The following UGT2B11 variants were observed in gnomAD, a reference collection of about 807,000 sequenced individuals.
UGT2B11 encodes the protein UDP glucuronosyltransferase family 2 member B11.
A neutral mutation model predicts 51.7 loss-of-function variants in UGT2B11; 49 were observed. The ratio of observed to expected loss-of-function variants is 0.95; its 90% CI spans 0.75 to 1.20. The LOEUF is 1.20. Among genes scored for constraint, UGT2B11 ranks in the 50% most tolerant of loss-of-function variants. UGT2B11 has a pLI of 0.00. For missense variants in UGT2B11, 810 were observed against 622.1 expected, an observed-to-expected ratio of 1.30 and a Z score of -3.21; for synonymous variants, 273 against 209.0, an observed-to-expected ratio of 1.31 and a Z score of -2.64.
chr4:69,204,788 G>A (rs1217324617), intron 4 of UGT2B11, 139 bp from the exon 5 acceptor site: 81 of 1,351,520 alleles, frequency 6.0e-5, no homozygotes, highest in Non-Finnish European at 7.4e-5. Context: ...AGATGAAAAA[G>A]CACGTACTTG....
In UGT2B11 at chr4:69,205,490, A is replaced by G. The variant is rs1721816501; in HGVS notation, c.1080T>C (p.Asn360=). 1 of 1,610,574 alleles carries G rather than the reference A, an allele frequency of 6.2e-7. No individual in the cohort carries two copies. ...NTRLYKWIPQ[N]DLLGHPKTRA... is the part of the protein sequence containing the mutation. ...TCACCAGAGTGTTACCTAGAAGGTC[A>G]TTCTGGGGTATCCACTTGTACAGCC... The change falls in exon 4 of 6, where the codon AAT becomes AAC. Residue 360 remains asparagine, a synonymous_variant. Coordinates refer to ENST00000446444, the MANE Select transcript of UGT2B11 (RefSeq NM_001073.3).
At chr4:69,213,845 T>G (rs1722162668) in intron 1 of UGT2B11, among the ~76,000 whole-genome samples, 157 bp downstream of exon 1, 2 of 151,886 alleles carry the variant, frequency 1.3e-5, no homozygotes, top group African/African-American at 4.8e-5. Flanking sequence ...TAAGCTTTTC[T>G]ATAATGTTTG....
At chr4:69,205,115 G>C (rs184063856) in intron 4 of UGT2B11, among the ~76,000 whole-genome samples, 132 of 151,726 alleles carry the variant, frequency 8.7e-4, no homozygotes, top group African/African-American at 3.0e-3. Context: ...AGAAAATACA[G>C]AGTTACTGGT....
At chr4:69,207,682 T>C (rs1721911131) in intron 3 of UGT2B11, among the ~76,000 whole-genome samples, 1 of 151,612 alleles carries the variant, frequency 6.6e-6, no homozygotes, top group South Asian at 2.1e-4. Context: ...TCTTCCTGCT[T>C]CAGGCAGTGT....
chr4:69,212,340 T>G (rs1285186597), intron 2 of UGT2B11, among the ~76,000 whole-genome samples: 1 of 151,580 alleles, frequency 6.6e-6, no homozygotes, highest in Admixed American at 6.6e-5. Context: ...TTTACTTTAA[T>G]CAACCCTACA....
At chr4:69,203,017 T>C (rs1172647346) in intron 5 of UGT2B11, among the ~76,000 whole-genome samples, 1 of 151,680 alleles carries the variant, frequency 6.6e-6, no homozygotes, top group East Asian at 1.9e-4. Flanking sequence ...AAATCAATTA[T>C]TAAAAATTTA....
In UGT2B11 at chr4:69,214,282, G is replaced by A. The variant is rs779617982; in HGVS notation, c.441C>T (p.Ile147=). ...AGGGAAAAACAGCATCTGCAAAAACGATGTCAAATCTTGACTCTTGTAGTT... is the reference window on the plus strand; with the variant it reads ...AGGGAAAAACAGCATCTGCAAAAACAATGTCAAATCTTGACTCTTGTAGTT... The part of the protein sequence containing the change: ...MKKLQESRFD[I]VFADAVFPCG... Residue 147 remains isoleucine, a synonymous_variant, in exon 1 of 6, where the codon ATC becomes ATT. Transcript: ENST00000446444. 31 of 1,613,080 alleles carry A rather than the reference G, an allele frequency of 1.9e-5. No individual in the cohort carries two copies. The highest frequency in any genetic ancestry group is 2.0e-5 in the Non-Finnish European group (24 of 1,179,474).
chr4:69,209,327 T>C (rs1577963832), intron 2 of UGT2B11, among the ~76,000 whole-genome samples: 2 of 151,650 alleles, frequency 1.3e-5, no homozygotes. Context: ...CATCACTTTG[T>C]TGTGTCTCAG....
At chr4:69,208,202 C>A in intron 3 of UGT2B11, 149 bp downstream of exon 3, 1 of 1,462,428 alleles carries the variant, frequency 6.8e-7, no homozygotes, top group Non-Finnish European at 9.2e-7. Context: ...ACAACTATTA[C>A]TTGTGTTGGT....
rs748341197 is a variant in UGT2B11 at position 69,208,388 on chromosome 4, T to C, written c.965A>G (p.Asn322Ser). The C allele has an allele frequency of 6.2e-6, 10 of 1,611,136 alleles. No individual in the cohort carries two copies. The Admixed American group carries it at 1.3e-4, about 22-fold the overall frequency. The change falls in exon 3 of 6, where the codon AAT (asparagine) becomes AGT (serine). Residue 322 changes from asparagine to serine, a missense_variant. Physicochemically the swap from Asn to Ser is conservative, Grantham distance 46. Coordinates refer to ENST00000446444, the MANE Select transcript of UGT2B11 (RefSeq NM_001073.3). ...VISNMTAERA[N>S]VIATALAKIP... ...CTTGGCAAGGGCTGTTGCAATTACATTGGCCCTTTCTGCTGTCATGTTACT... is the reference window on the plus strand; with the variant it reads ...CTTGGCAAGGGCTGTTGCAATTACACTGGCCCTTTCTGCTGTCATGTTACT...
chr4:69,202,509 C>T (rs1050434128), intron 5 of UGT2B11, among the ~76,000 whole-genome samples: 9 of 151,574 alleles, frequency 5.9e-5, no homozygotes, highest in African/African-American at 2.2e-4. Flanking sequence ...GCCCACCACA[C>T]ATCACTTCAA....
At position 69,200,737 on chromosome 4, in the gene UGT2B11, G is replaced by A. The variant is rs201856899; in HGVS notation, c.1311-18C>T. ...CTTTATATCTGAAGGATAAAAATAA[G>A]GATACCAACACTGAAAGTAAGTTAA... On this transcript the variant is annotated intron_variant, in intron 5 of 5. Coordinates refer to ENST00000446444, the MANE Select transcript of UGT2B11 (RefSeq NM_001073.3). The A allele has an allele frequency of 1.0e-5, 16 of 1,591,968 alleles. No individual in the cohort carries two copies. Among genetic ancestry groups the A allele is most frequent in the Admixed American group, 1.7e-5 (1 of 57,248 alleles).
At position 69,208,232 on chromosome 4, in the gene UGT2B11, T is replaced by A. The variant is rs1481749262; in HGVS notation, c.1002+119A>T. The A allele has an allele frequency of 3.9e-6, 6 of 1,542,528 alleles. No homozygotes were observed. The African/African-American group carries it at 7.0e-5, about 18-fold the overall frequency. On this transcript the variant is annotated intron_variant, in intron 3 of 5. Coordinates refer to ENST00000446444, the MANE Select transcript of UGT2B11 (RefSeq NM_001073.3). ...GTTGGTGGAAGCAACATAAGCATAT[T>A]TAAGGATGTATTTGGATGTAAAGAG...
intron 2 of UGT2B11, among the ~76,000 whole-genome samples, chr4:69,209,854 C>G (rs761489084): frequency 1.3e-5 from 2 of 151,376 alleles, no homozygotes; most frequent in Non-Finnish European, 3.0e-5. Context: ...CTGATATTGA[C>G]TGGTTGTTTC....
rs140000959 is a variant in UGT2B11, at chr4:69,214,026, C to G, written c.697G>C (p.Asp233His). ...CCTAAAACTTCACTGTAAAACTGATCCCACTTCTTCATATCAGACATTTGG... is the reference window on the plus strand; with the variant it reads ...CCTAAAACTTCACTGTAAAACTGATGCCACTTCTTCATATCAGACATTTGG... ...WFQMSDMKKW[D>H]QFYSEVLGRP... The change falls in exon 1 of 6, where the codon GAT (aspartate) becomes CAT (histidine). Residue 233 changes from aspartate to histidine, a missense_variant. Transcript: ENST00000446444. 5.2e-4 allele frequency: 832 copies of G among 1,591,022 alleles called. 3 individuals are homozygous for G. The African/African-American group carries it at 0.01, about 20-fold the overall frequency.
At chr4:69,207,513 C>G (rs1051683111) in intron 3 of UGT2B11, among the ~76,000 whole-genome samples, 3 of 151,522 alleles carry the variant, frequency 2.0e-5, no homozygotes, top group African/African-American at 4.8e-5. Flanking sequence ...TCCCCTGCCT[C>G]TCTTCCTTCT....
At chr4:69,202,318 G>A (rs1247911562) in intron 5 of UGT2B11, among the ~76,000 whole-genome samples, 1 of 151,670 alleles carries the variant, frequency 6.6e-6, no homozygotes, top group East Asian at 2.0e-4. Context: ...TGAGATAAAA[G>A]TGCATGCAAA....
chr4:69,210,864 T>C (rs1722034647), intron 2 of UGT2B11, among the ~76,000 whole-genome samples: 1 of 151,684 alleles, frequency 6.6e-6, no homozygotes, highest in African/African-American at 2.4e-5. Flanking sequence ...TGAAGAATGC[T>C]TACTTTGTAC....
At chr4:69,215,421 A>G (rs1358186037), upstream of UGT2B11, 4 of 151,974 alleles carry the variant, frequency 2.6e-5, no homozygotes, top group Non-Finnish European at 5.9e-5. Flanking sequence ...ATTTAGTTTA[A>G]TGTTTTTAAA....
Sources: allele counts gnomAD v4.1 joint callset (sites outside exome capture counted in the v4.1 genomes callset), GRCh38; gene constraint gnomAD v4.1.1; transcripts MANE v1.5; gene names NCBI Gene and HGNC (gene_info 2026-07-23, HGNC 2026-07-21).